The following LRRC51 variants were observed in gnomAD, a reference collection of about 807,000 sequenced individuals.
LRRC51 encodes the protein leucine rich repeat containing 51.
Under a neutral mutation model 17.8 loss-of-function variants are expected in LRRC51, and 8 were observed. The ratio of observed to expected loss-of-function variants is 0.45; its 90% confidence interval spans 0.26 to 0.81. The LOEUF (loss-of-function observed/expected upper bound fraction) is 0.81, where lower values mean the gene tolerates loss of function less well. LRRC51 is among the 30% of genes least tolerant of loss of function. LRRC51 has a pLI of 0.17. For missense variants in LRRC51, 233 were observed against 239.3 expected, an observed-to-expected ratio of 0.97 and a Z score of 0.17; for synonymous variants, 92 against 96.0, an observed-to-expected ratio of 0.96 and a Z score of 0.24.
intron 1 of LRRC51, chr11:72,085,562 A>G (rs1418039235): frequency 2.6e-5 from 4 of 152,160 alleles, no homozygotes; most frequent in South Asian, 2.1e-4. Flanking sequence ...CAGATGTACA[A>G]TAGTTCTCAA....
At chr11:72,094,801 T>A (rs780861183) in intron 4 of LRRC51, 147 bp from the exon 5 acceptor site, 1 of 1,425,858 alleles carries the variant, frequency 7.0e-7, no homozygotes, top group South Asian at 1.1e-5. Flanking sequence ...TAAAAGTAGG[T>A]TACAGTCATA....
intron 3 of LRRC51, among the ~76,000 whole-genome samples, chr11:72,092,657 G>A (rs1441921263): frequency 3.1e-4 from 47 of 152,296 alleles, no homozygotes; most frequent in Non-Finnish European, 5.9e-5. Context: ...TTTCCTCTCT[G>A]TCCCCCTTGT....
At chr11:72,088,546 G>C (rs1944673873) in intron 2 of LRRC51, 166 bp downstream of exon 2, 1 of 633,034 alleles carries the variant, frequency 1.6e-6, no homozygotes, top group Non-Finnish European at 2.9e-6. Flanking sequence ...GACTGAGAGG[G>C]GTGGTGAGAC....
rs775677543 is a variant in LRRC51 at position 72,095,037 on chromosome 11, TCCTCGGCTCCGTAG to T, written c.382_395del (p.Arg128AspfsTer14). On this transcript the variant is annotated frameshift_variant, in exon 5 of 6. Transcript: ENST00000289488. LOFTEE classifies it high-confidence loss of function. ...GGGAGGTGAATAAGCTGGCTGTCCT[TCCTCGGCTCCGTAG>T]CCTGACACTCCATGGGAACCCCATG... 6.2e-7 allele frequency: 1 copy of T among 1,613,942 alleles called. No homozygotes were observed. The highest frequency in any genetic ancestry group is 2.2e-5 in the East Asian group (1 of 44,856).
At chr11:72,088,440 T>A in intron 2 of LRRC51, 60 bp downstream of exon 2, 1 of 701,116 alleles carries the variant, frequency 1.4e-6, no homozygotes, top group Non-Finnish European at 2.6e-6. Context: ...TATGGCTACA[T>A]TCAGGATAGG....
At chr11:72,091,091 C>G (rs563496064) in intron 3 of LRRC51, among the ~76,000 whole-genome samples, 2 of 152,166 alleles carry the variant, frequency 1.3e-5, no homozygotes, top group South Asian at 4.1e-4. Flanking sequence ...CTGTGGCAGC[C>G]TGGATATACC....
At chr11:72,082,929 A>G (rs1161066360) in intron 1 of LRRC51, among the ~76,000 whole-genome samples, 1 of 151,688 alleles carries the variant, frequency 6.6e-6, no homozygotes, top group Admixed American at 6.6e-5. Context: ...GCAATGGCGC[A>G]ATCTCGGCTC....
At chr11:72,089,264 T>C (rs1944717389) in intron 3 of LRRC51, 99 bp downstream of exon 3, 1 of 1,582,024 alleles carries the variant, frequency 6.3e-7, no homozygotes, top group Non-Finnish European at 8.6e-7. Context: ...AAAGAGATTC[T>C]TCCCATATGC....
intron 1 of LRRC51, among the ~76,000 whole-genome samples, chr11:72,084,721 C>T (rs1944424100): frequency 6.6e-6 from 1 of 151,340 alleles, no homozygotes; most frequent in Admixed American, 6.6e-5. Context: ...CCTGTAGTCC[C>T]AGCTACTCAG....
chr11:72,084,896 G>A (rs1353642751), intron 1 of LRRC51, among the ~76,000 whole-genome samples: 1 of 58,502 alleles, frequency 1.7e-5, no homozygotes, highest in Non-Finnish European at 3.8e-5. Context: ...GTGTGTGTGT[G>A]TGTGTGTGTA....
At chr11:72,089,637 A>C (rs1944744533) in intron 3 of LRRC51, 2 of 1,153,818 alleles carry the variant, frequency 1.7e-6, no homozygotes, top group Non-Finnish European at 1.1e-6. Flanking sequence ...ACACAAGCCT[A>C]ATCTGACTGG....
At chr11:72,086,592 G>A (rs1944545707) in intron 1 of LRRC51, 1 of 626,046 alleles carries the variant, frequency 1.6e-6, no homozygotes, top group Non-Finnish European at 2.9e-6. Context: ...TGAATAAGAT[G>A]CGATACTAGC....
chr11:72,095,525 C>T lies in LRRC51; in HGVS notation c.*5C>T, dbSNP rs1945143015. On this transcript the variant is annotated 3_prime_UTR_variant, in exon 6 of 6. Coordinates refer to ENST00000289488, the MANE Select transcript of LRRC51 (RefSeq NM_145309.6). ...ACCAAGCAGAATACACTTTGAGGCT[C>T]CCACGACCCTAGTAGTCCTAAAGGC... is the stretch of plus-strand genomic sequence containing the variant. The T allele has an allele frequency of 6.2e-7, 1 of 1,613,408 alleles. No individual in the cohort carries two copies. The highest frequency in any genetic ancestry group is 8.5e-7 in the Non-Finnish European group (1 of 1,179,638).
chr11:72,089,317 T>A, intron 3 of LRRC51, 152 bp downstream of exon 3: 2 of 1,504,900 alleles, frequency 1.3e-6, no homozygotes, highest in Non-Finnish European at 1.8e-6. Flanking sequence ...TAGGGGAGAG[T>A]GAGAGGTTTT....
intron 1 of LRRC51, chr11:72,085,261 C>G (rs571073976): frequency 5.3e-5 from 8 of 152,244 alleles, no homozygotes; most frequent in Non-Finnish European, 1.2e-4. Context: ...AACACTTTGT[C>G]AGTTCTCCCC....
At position 72,095,496 on chromosome 11, in the gene LRRC51, C is replaced by A. The variant is rs1945139973; in HGVS notation, c.555C>A (p.Ala185=). The A allele has an allele frequency of 1.2e-6, 2 of 1,613,860 alleles. No individual in the cohort carries two copies. Among genetic ancestry groups the A allele is most frequent in the Admixed American group, 1.7e-5 (1 of 59,982 alleles). Residue 185 remains alanine (A), a synonymous_variant, in exon 6 of 6, where the codon GCC becomes GCA. Coordinates refer to ENST00000289488, the MANE Select transcript of LRRC51 (RefSeq NM_145309.6). ...WKRMNIKPKK[A]WTKQNTL ...GCATGAACATCAAGCCCAAGAAGGC[C>A]TGGACCAAGCAGAATACACTTTGAG...
chr11:72,095,174 G>A lies in LRRC51; in HGVS notation c.437+78G>A, dbSNP rs568346758. On this transcript the variant is annotated intron_variant, in intron 5 of 5. Transcript: ENST00000289488. ...GGAGGAGGAGAAACAAGAAATCTAC[G>A]ACCATTCTTCTGCCATGCTTGGACC... 314 of 1,582,896 alleles carry A rather than the reference G, an allele frequency of 2.0e-4. No homozygotes were observed. The African/African-American group carries it at 2.1e-3, about 11-fold the overall frequency.
chr11:72,093,426 C>T (rs1033948365), intron 3 of LRRC51, 70 bp from the exon 4 acceptor site: 3 of 1,432,232 alleles, frequency 2.1e-6, no homozygotes, highest in East Asian at 2.5e-5. Flanking sequence ...ATCTTTCCAG[C>T]TCTGTCCCTT....
chr11:72,090,740 C>T (rs929601997), intron 3 of LRRC51, among the ~76,000 whole-genome samples: 2 of 152,194 alleles, frequency 1.3e-5, no homozygotes, highest in African/African-American at 4.8e-5. Context: ...CTACCATCAA[C>T]CCAGTTCCTC....
Sources: gnomAD v4.1 joint callset for allele counts (sites outside exome capture counted in the v4.1 genomes callset) on GRCh38, gnomAD v4.1.1 for gene constraint, MANE v1.5 for transcripts, NCBI Gene and HGNC (gene_info 2026-07-23, HGNC 2026-07-21) for gene names.